The following STEAP1B variants were observed in gnomAD, a reference collection of about 807,000 sequenced individuals.
STEAP1B encodes the protein STEAP family protein MGC87042.
In STEAP1B, 13 loss-of-function variants were observed where a neutral mutation model predicts 27.9. The observed-to-expected ratio is 0.47, with a 90% CI of 0.30 to 0.74. The LOEUF (loss-of-function observed/expected upper bound fraction) is 0.74. Among genes scored for constraint, STEAP1B ranks in the 30% least tolerant of loss-of-function variants. The pLI is 0.06. For synonymous variants in STEAP1B, 86 were observed against 107.1 expected, an observed-to-expected ratio of 0.80 and a Z score of 1.22; for missense variants, 250 against 298.7, an observed-to-expected ratio of 0.84 and a Z score of 1.20.
intron 1 of STEAP1B, among the ~76,000 whole-genome samples, chr7:22,495,176 G>T (rs996272051): frequency 6.6e-6 from 1 of 152,144 alleles, no homozygotes; most frequent in Non-Finnish European, 1.5e-5. Flanking sequence ...TTTACTTTAG[G>T]AAGATTTAAC....
At position 22,493,388 on chromosome 7, in the gene STEAP1B, T is replaced by C; in HGVS notation, c.533A>G (p.Tyr178Cys). Residue 178 changes from tyrosine to cysteine, a missense_variant, in exon 3 of 5, where the codon TAT becomes TGT. Physicochemically the swap from Tyr to Cys is radical, Grantham distance 194 (BLOSUM62 -2). Transcript: ENST00000678116. ...SLFFAVLHAI[Y>C]TLSYAMRRSY... ...TCGCCTCATTGCGTAAGACAGAGTA[T>C]AAATTGCATGCAGTACAGCAAAAAA... The C allele has an allele frequency of 1.2e-6, 2 of 1,614,212 alleles. No homozygotes were observed. The highest frequency in any genetic ancestry group is 1.7e-6 in the Non-Finnish European group (2 of 1,180,022).
At chr7:22,485,843 A>C (rs553332260) in intron 4 of STEAP1B, among the ~76,000 whole-genome samples, 2 of 152,302 alleles carry the variant, frequency 1.3e-5, no homozygotes, top group South Asian at 2.1e-4. Flanking sequence ...GCTGAGCCCA[A>C]CCCAGAGTTT....
intron 4 of STEAP1B, among the ~76,000 whole-genome samples, chr7:22,430,658 A>G (rs1190104872): frequency 6.6e-6 from 1 of 152,214 alleles, no homozygotes; most frequent in Admixed American, 6.5e-5. Context: ...TAATGCTGAG[A>G]ACACAGCCCC....
intron 4 of STEAP1B, among the ~76,000 whole-genome samples, chr7:22,457,135 G>C (rs1032258882): frequency 6.6e-6 from 1 of 151,238 alleles, no homozygotes; most frequent in Non-Finnish European, 1.5e-5. Flanking sequence ...TAAATCCAGA[G>C]GATCCACCAA....
intron 4 of STEAP1B, among the ~76,000 whole-genome samples, chr7:22,446,506 G>A (rs1318520030): frequency 6.6e-6 from 1 of 152,224 alleles, no homozygotes; most frequent in Non-Finnish European, 1.5e-5. Context: ...AGGTGGTTCT[G>A]AAGCCTGCTA....
chr7:22,466,912 T>A (rs1785794227), intron 4 of STEAP1B, among the ~76,000 whole-genome samples: 1 of 152,180 alleles, frequency 6.6e-6, no homozygotes, highest in Non-Finnish European at 1.5e-5. Context: ...TCTCTTTGAT[T>A]TTCTCATCTG....
intron 4 of STEAP1B, among the ~76,000 whole-genome samples, chr7:22,421,094 G>A (rs955389734): frequency 6.6e-6 from 1 of 152,206 alleles, no homozygotes; most frequent in Admixed American, 6.5e-5. Flanking sequence ...GTTATGTCTG[G>A]CAAGCACATT....
At chr7:22,483,797 C>A (rs547667689) in intron 4 of STEAP1B, among the ~76,000 whole-genome samples, 115 of 152,256 alleles carry the variant, frequency 7.6e-4, no homozygotes, top group African/African-American at 2.8e-3. Context: ...CAGAGAGACA[C>A]GAAATGGCTG....
chr7:22,445,929 A>C (rs766644064), intron 4 of STEAP1B, among the ~76,000 whole-genome samples: 2 of 152,220 alleles, frequency 1.3e-5, no homozygotes, highest in African/African-American at 2.4e-5. Flanking sequence ...TGAGTCGGAA[A>C]CTTGACAACT....
At chr7:22,452,499 T>C (rs979733376) in intron 4 of STEAP1B, among the ~76,000 whole-genome samples, 1 of 152,130 alleles carries the variant, frequency 6.6e-6, no homozygotes, top group African/African-American at 2.4e-5. Flanking sequence ...GTGCAGATTC[T>C]AGCTTCAGGA....
At chr7:22,423,383 C>T (rs749025899) in intron 4 of STEAP1B, among the ~76,000 whole-genome samples, 14 of 152,108 alleles carry the variant, frequency 9.2e-5, no homozygotes, top group African/African-American at 2.4e-4. Flanking sequence ...CATCAATGGA[C>T]GAGTGAGTAA....
At position 22,427,815 on chromosome 7, in the gene STEAP1B, T is replaced by C. The variant is rs116970267; in HGVS notation, c.763-7979A>G. Among the ~76,000 whole-genome samples, 407 of 152,208 alleles carry C rather than the reference T, an allele frequency of 2.7e-3. 1 individual carries two copies. Among genetic ancestry groups the C allele is most frequent in the Non-Finnish European group, 4.1e-3 (277 of 68,008 alleles). On this transcript the variant is annotated intron_variant, in intron 4 of 4. Transcript: ENST00000678116. The stretch of plus-strand genomic sequence containing the variant: ...AAGAAACTGGTAAAATTAGCAAACC[T>C]CCAGCAAGACTGCCAAGGTAATGAG...
chr7:22,444,697 C>T lies in STEAP1B; in HGVS notation c.763-24861G>A, dbSNP rs540366589. 3.3e-5 allele frequency among the ~76,000 whole-genome samples: 5 copies of T among 152,328 alleles called. No individual in the cohort carries two copies. The South Asian group carries it at 8.3e-4, about 25-fold the overall frequency. On this transcript the variant is annotated intron_variant, in intron 4 of 4. Transcript: ENST00000678116. ...CTGTCACTGAGTAACAGGTTTTGAT[C>T]TCAGGCTCGCTGCCAGTTAGGAAGT...
At chr7:22,487,516 C>A (rs977651823) in intron 4 of STEAP1B, among the ~76,000 whole-genome samples, 1 of 149,088 alleles carries the variant, frequency 6.7e-6, no homozygotes, top group East Asian at 2.0e-4. Context: ...ACATGCCGGG[C>A]GCGTTGGCTC....
At chr7:22,484,816 T>G (rs1458479873) in intron 4 of STEAP1B, among the ~76,000 whole-genome samples, 3 of 152,212 alleles carry the variant, frequency 2.0e-5, no homozygotes, top group Non-Finnish European at 2.9e-5. Flanking sequence ...TCAACATTCA[T>G]AGGAGTTTAG....
intron 4 of STEAP1B, among the ~76,000 whole-genome samples, chr7:22,452,075 A>T (rs1785500159): frequency 6.6e-6 from 1 of 152,206 alleles, no homozygotes; most frequent in South Asian, 2.1e-4. Context: ...AGTATAAAGA[A>T]CTGATAACCA....
rs557245049 is a variant in STEAP1B at position 22,456,871 on chromosome 7, C to G, written c.762+35694G>C. 1.2e-3 allele frequency among the ~76,000 whole-genome samples: 180 copies of G among 148,884 alleles called. 5 individuals are homozygous for G. The South Asian group carries it at 0.039, about 32-fold the overall frequency. ...CCAATCTAGGAACCCCTTAGCGGAA[C>G]TCGCCAAGCCCAGCTGCGTGTAAGA... On this transcript the variant is annotated intron_variant, in intron 4 of 4. Transcript: ENST00000678116.
intron 4 of STEAP1B, 57 bp downstream of exon 4, chr7:22,492,508 A>C: frequency 2.0e-6 from 3 of 1,504,416 alleles, no homozygotes; most frequent in Non-Finnish European, 2.7e-6. Context: ...AACATATTCT[A>C]TATCATAAAC....
chr7:22,433,163 A>C (rs2128400344), intron 4 of STEAP1B, among the ~76,000 whole-genome samples: 2 of 152,262 alleles, frequency 1.3e-5, no homozygotes, highest in South Asian at 4.2e-4. Context: ...CAAAACCCAA[A>C]ATCAAAAAGC....
Sources: allele counts gnomAD v4.1 joint callset (sites outside exome capture counted in the v4.1 genomes callset), GRCh38; gene constraint gnomAD v4.1.1; transcripts MANE v1.5; gene names NCBI Gene and HGNC (gene_info 2026-07-23, HGNC 2026-07-21).